Variants in USP22 observed in about 807,000 individuals in gnomAD.
The protein encoded by USP22 is ubiquitin specific peptidase 22, also known as ubiquitin carboxyl-terminal hydrolase 22.
Under a neutral mutation model 68.1 loss-of-function variants are expected in USP22, and 22 were observed. The observed-to-expected ratio is 0.32, with a 90% CI of 0.23 to 0.46. The LOEUF is 0.46. Among genes scored for constraint, USP22 ranks in the 20% least tolerant of loss-of-function variants. The pLI is 1.00. For synonymous variants in USP22, 279 were observed against 274.2 expected (o/e 1.02, Z -0.17); for missense variants, 433 against 695.8 (o/e 0.62, Z 4.25).
At chr17:21,014,099 A>T (rs1176540632) in intron 6 of USP22, among the ~76,000 whole-genome samples, 2 of 152,196 alleles carry the variant, frequency 1.3e-5, no homozygotes. Flanking sequence ...AAAACAAAAG[A>T]TGAACAGAAA....
intron 3 of USP22, among the ~76,000 whole-genome samples, chr17:21,020,552 C>A (rs935187764): frequency 1.3e-5 from 2 of 152,176 alleles, no homozygotes; most frequent in Non-Finnish European, 2.9e-5. Context: ...ACGCTGTTGA[C>A]ATGGATTTAA....
Position 21,040,603 on chromosome 17 carries a change from CA to C in USP22, c.171+2061del, listed in dbSNP as rs1328414565. Among the ~76,000 whole-genome samples the C allele has an allele frequency of 3.6e-3, 506 of 140,544 alleles. 7 individuals carry two copies. The highest frequency in any genetic ancestry group is 0.011 in the African/African-American group (434 of 38,478). 92.2% of individuals were successfully genotyped at this position (140,544 alleles called of 152,430 possible). On this transcript the variant is annotated intron_variant, in intron 1 of 12. Transcript: ENST00000261497. ...AGATTAATCAGAGCCATAAGTAGCG[CA>C]AAAAAAAAAAGTAATTCTTAACTTT...
chr17:21,001,631 G>A lies in USP22; in HGVS notation c.*1400C>T, dbSNP rs1299132222. On this transcript the variant is annotated 3_prime_UTR_variant, in exon 13 of 13. Coordinates refer to ENST00000261497, the MANE Select transcript of USP22 (RefSeq NM_015276.2). ...TCTATGAAAACATCTGCCCACCGCT[G>A]AGACAGATGATCCTGTTCCTGCAGG... 2 of 152,112 alleles carry A rather than the reference G, an allele frequency of 1.3e-5. No individual in the cohort carries two copies. The highest frequency in any genetic ancestry group is 2.9e-5 in the Non-Finnish European group (2 of 68,056). The allele number at this position is 152,112 out of a possible 1,614,324, so 9.4% of individuals were successfully genotyped here.
chr17:21,028,558 C>A lies in USP22; in HGVS notation c.288G>T (p.Ala96=). The A allele has an allele frequency of 1.2e-6, 2 of 1,614,056 alleles. No homozygotes were observed. The highest frequency in any genetic ancestry group is 1.7e-6 in the Non-Finnish European group (2 of 1,179,984). The change falls in exon 2 of 13, where the codon GCG becomes GCT. Residue 96 remains alanine (A), a synonymous_variant. Transcript: ENST00000261497. ...TCGCCTCACCCAGGTTGTGCCGCTT[C>A]GCCTTCGCATGCTCGTGAATATGCT... ...TKKHIHEHAK[A]KRHNLAIDLM...
chr17:21,017,111 A>T (rs1467659040), intron 5 of USP22, among the ~76,000 whole-genome samples: 15 of 152,210 alleles, frequency 9.9e-5, no homozygotes, highest in Admixed American at 9.8e-4. Context: ...TGTTTTTGAA[A>T]GGCTTGGACA....
At chr17:21,008,112 C>G in intron 8 of USP22, 116 bp from the exon 9 acceptor site, 2 of 1,252,110 alleles carry the variant, frequency 1.6e-6, no homozygotes, top group Non-Finnish European at 1.1e-6. Context: ...AAAACATACA[C>G]TTACAACTAA....
intron 1 of USP22, among the ~76,000 whole-genome samples, chr17:21,031,502 T>C (rs1972290875): frequency 1.3e-5 from 2 of 151,504 alleles, no homozygotes; most frequent in Non-Finnish European, 2.9e-5. Flanking sequence ...CTCTCTCTAC[T>C]ACACAACCTA....
chr17:21,019,787 A>G (rs977423391), intron 3 of USP22, among the ~76,000 whole-genome samples: 1 of 152,266 alleles, frequency 6.6e-6, no homozygotes, highest in African/African-American at 2.4e-5. Context: ...ACTTTAAAAG[A>G]CACAGCATGT....
At chr17:21,031,518 A>G (rs9909467) in intron 1 of USP22, among the ~76,000 whole-genome samples, 7 of 129,382 alleles carry the variant, frequency 5.4e-5, no homozygotes, top group African/African-American at 9.0e-5. Flanking sequence ...ACCTAGGACT[A>G]TGCTACACAC....
At chr17:21,007,578 G>A (rs115611024) in intron 9 of USP22, among the ~76,000 whole-genome samples, 296 of 152,270 alleles carry the variant, frequency 1.9e-3, no homozygotes, top group African/African-American at 6.8e-3. Flanking sequence ...AACCTGAGGA[G>A]GGGGTAGCTG....
intron 1 of USP22, among the ~76,000 whole-genome samples, chr17:21,039,796 A>G (rs1385841240): frequency 6.6e-6 from 1 of 152,202 alleles, no homozygotes; most frequent in Non-Finnish European, 1.5e-5. Flanking sequence ...GTTTGTTTAC[A>G]AAGATTATAA....
intron 1 of USP22, among the ~76,000 whole-genome samples, chr17:21,040,185 A>C (rs575069396): frequency 6.6e-6 from 1 of 152,356 alleles, no homozygotes; most frequent in Middle Eastern, 3.4e-3. Flanking sequence ...TACAAAAAAT[A>C]ATTTTTAATA....
chr17:21,023,597 AC>A (rs75090529), intron 2 of USP22, among the ~76,000 whole-genome samples: 30,093 of 150,106 alleles, frequency 0.2, 3,776 homozygotes, highest in South Asian at 0.29. Context: ...GTGAGCCAAG[AC>A]TGCACCACTG....
intron 11 of USP22, 64 bp from the exon 12 acceptor site, chr17:21,004,415 C>A: frequency 6.3e-7 from 1 of 1,586,654 alleles, no homozygotes; most frequent in Non-Finnish European, 8.6e-7. Context: ...GAGGTCATCA[C>A]CATCAGAAAC....
rs974382140 is a variant in USP22, at chr17:21,019,249, C to T, written c.419-64G>A. ...GATTTTCACATCAAGTGTGTTTACA[C>T]ATAAAAGCTGTGGCGCTATGCTGTC... On this transcript the variant is annotated intron_variant, in intron 3 of 12. Coordinates refer to ENST00000261497, the MANE Select transcript of USP22 (RefSeq NM_015276.2). 8.2e-5 allele frequency: 124 copies of T among 1,519,554 alleles called. 1 individual carries two copies. Among genetic ancestry groups the T allele is most frequent in the Non-Finnish European group, 1.1e-4 (123 of 1,095,246 alleles). The allele number at this position is 1,519,554 out of a possible 1,614,324, so 94.1% of individuals were successfully genotyped here. A position where few individuals can be genotyped will look rare whatever the true frequency, so the allele number is the denominator to read the frequency against.
intron 1 of USP22, among the ~76,000 whole-genome samples, chr17:21,029,002 C>G (rs1972256650): frequency 6.7e-6 from 1 of 148,940 alleles, no homozygotes; most frequent in Non-Finnish European, 1.5e-5. Flanking sequence ...CACTGCAGGC[C>G]AGCAACTCAC....
At chr17:21,016,389 G>GAA (rs201223092) in intron 5 of USP22, among the ~76,000 whole-genome samples, 9 of 152,178 alleles carry the variant, frequency 5.9e-5, no homozygotes, top group African/African-American at 2.2e-4. Flanking sequence ...CTCAACTCCA[G>GAA]CCGCAGACCC....
At position 21,021,193 on chromosome 17, in the gene USP22, A is replaced by G. The variant is rs1452594877; in HGVS notation, c.338T>C (p.Phe113Ser). The G allele has an allele frequency of 6.2e-7, 1 of 1,614,072 alleles. No individual in the cohort carries two copies. The highest frequency in any genetic ancestry group is 8.5e-7 in the Non-Finnish European group (1 of 1,179,912). ...GTCATAGATGTAGTCCTGGCACAGA[A>G]AACAGTAGATGCCTCCGTACATCAG... ...IDLMYGGIYC[F>S]LCQDYIYDKD... Residue 113 changes from phenylalanine to serine, a missense_variant, in exon 3 of 13, where the codon TTT becomes TCT. Phe to Ser is a radical substitution (Grantham distance 155). Transcript: ENST00000261497.
At chr17:21,026,144 G>C (rs764579944) in intron 2 of USP22, among the ~76,000 whole-genome samples, 4 of 152,166 alleles carry the variant, frequency 2.6e-5, no homozygotes, top group Non-Finnish European at 4.4e-5. Context: ...TGTAAGCCCA[G>C]CTACTCGGGT....
Sources: allele counts gnomAD v4.1 joint callset (sites outside exome capture counted in the v4.1 genomes callset), GRCh38; gene constraint gnomAD v4.1.1; transcripts MANE v1.5; gene names NCBI Gene and HGNC (gene_info 2026-07-23, HGNC 2026-07-21).